SCG5: variants seen among roughly 807,000 people sequenced by gnomAD.
The protein encoded by SCG5 is neuroendocrine protein 7B2.
A neutral mutation model predicts 25.7 loss-of-function variants in SCG5; 18 were observed. The ratio of observed to expected loss-of-function variants is 0.70; its 90% CI spans 0.48 to 1.04. The LOEUF is 1.04. SCG5 is among the 50% of genes least tolerant of loss of function. SCG5 has a pLI of 0.00. For missense variants in SCG5, 206 were observed against 259.8 expected (o/e 0.79, Z 1.42); for synonymous variants, 101 against 91.7 (o/e 1.10, Z -0.58).
chr15:32,696,624 A>G lies in SCG5; in HGVS notation c.*15A>G, dbSNP rs760527559. On this transcript the variant is annotated 3_prime_UTR_variant, in exon 6 of 6. Transcript: ENST00000300175. ...ATCCAGAGTAAAGAGAAGATGCTAGACGAAAACCCACATTACCTGTTAGGC... is the reference window on the plus strand; with the variant it reads ...ATCCAGAGTAAAGAGAAGATGCTAGGCGAAAACCCACATTACCTGTTAGGC... The G allele has an allele frequency of 1.2e-5, 18 of 1,553,220 alleles. No individual in the cohort carries two copies. Among genetic ancestry groups the G allele is most frequent in the East Asian group, 2.2e-5 (1 of 44,544 alleles).
At chr15:32,660,491 C>T (rs918486110) in intron 2 of SCG5, among the ~76,000 whole-genome samples, 2 of 152,182 alleles carry the variant, frequency 1.3e-5, no homozygotes, top group Non-Finnish European at 2.9e-5. Context: ...AGGTATCCAG[C>T]ACTATTCTGA....
intron 2 of SCG5, among the ~76,000 whole-genome samples, chr15:32,645,670 G>C (rs2053931822): frequency 6.6e-6 from 1 of 152,076 alleles, no homozygotes; most frequent in Non-Finnish European, 1.5e-5. Flanking sequence ...GGAACCATAA[G>C]TGTAAAGGCA....
chr15:32,691,711 A>T lies in SCG5; in HGVS notation c.491A>T (p.Asn164Ile). The change falls in exon 5 of 6, where the codon AAC (asparagine) becomes ATC (isoleucine). Residue 164 changes from asparagine to isoleucine, a missense_variant and splice_region_variant. Coordinates refer to ENST00000300175, the MANE Select transcript of SCG5 (RefSeq NM_001144757.3). Reference sequence around the variant, plus strand: ...TGTTTTCTTTTCTCCCCATTCTAGAACAAGAAACTCCTTTACGAGAAGATG... The same window carrying T: ...TGTTTTCTTTTCTCCCCATTCTAGATCAAGAAACTCCTTTACGAGAAGATG... ...EHDYPGLGKW[N>I]KKLLYEKMKG... 1 of 1,606,740 alleles carries T rather than the reference A, an allele frequency of 6.2e-7. No homozygotes were observed. The highest frequency in any genetic ancestry group is 1.1e-5 in the South Asian group (1 of 89,248).
intron 2 of SCG5, among the ~76,000 whole-genome samples, chr15:32,654,023 GCA>G (rs2054074237): frequency 6.6e-6 from 1 of 152,160 alleles, no homozygotes; most frequent in Admixed American, 6.5e-5. Context: ...TTGTCTTCAT[GCA>G]CAGTGTCATG....
intron 2 of SCG5, among the ~76,000 whole-genome samples, chr15:32,647,704 T>C (rs574758792): frequency 2.6e-5 from 4 of 152,310 alleles, no homozygotes; most frequent in African/African-American, 4.8e-5. Context: ...TACTAGTATT[T>C]ATTGAGTGCC....
chr15:32,686,806 A>T (rs752392797), intron 4 of SCG5, among the ~76,000 whole-genome samples: 2 of 152,226 alleles, frequency 1.3e-5, no homozygotes, highest in Non-Finnish European at 2.9e-5. Flanking sequence ...GAGAGCTTAT[A>T]GTCCCACGGT....
intron 2 of SCG5, among the ~76,000 whole-genome samples, chr15:32,646,310 G>A (rs1037881134): frequency 1.3e-5 from 2 of 152,174 alleles, no homozygotes; most frequent in South Asian, 2.1e-4. Context: ...CAGAGGTGTC[G>A]TCTTGGCTGC....
At chr15:32,662,143 C>T (rs1198553590) in intron 2 of SCG5, among the ~76,000 whole-genome samples, 3 of 152,158 alleles carry the variant, frequency 2.0e-5, no homozygotes, top group African/African-American at 7.2e-5. Context: ...ATCATAAACA[C>T]AGCTTCAATG....
At chr15:32,680,342 C>A (rs1441208298) in intron 3 of SCG5, among the ~76,000 whole-genome samples, 1 of 151,754 alleles carries the variant, frequency 6.6e-6, no homozygotes, top group Middle Eastern at 3.2e-3. Flanking sequence ...ACTACAGGCG[C>A]CTGCCACCAC....
chr15:32,643,399 C>T (rs1297492282), intron 1 of SCG5, among the ~76,000 whole-genome samples, 187 bp from the exon 2 acceptor site: 4 of 152,062 alleles, frequency 2.6e-5, no homozygotes, highest in Non-Finnish European at 5.9e-5. Context: ...TTGTTTAATA[C>T]CTTTCTGCAA....
chr15:32,688,884 A>G (rs8039575), intron 4 of SCG5, among the ~76,000 whole-genome samples: 144,401 of 151,118 alleles, frequency 0.96, 69,053 homozygotes, highest in East Asian at 0.99. Flanking sequence ...GCGTGAACCC[A>G]GGAGGCGGAG....
intron 1 of SCG5, among the ~76,000 whole-genome samples, chr15:32,643,281 G>A (rs2053894497): frequency 6.6e-6 from 1 of 152,188 alleles, no homozygotes; most frequent in African/African-American, 2.4e-5. Flanking sequence ...GAGTAATGCA[G>A]AACTTTCAGG....
At chr15:32,680,710 G>A (rs1595814411) in intron 3 of SCG5, among the ~76,000 whole-genome samples, 1 of 152,140 alleles carries the variant, frequency 6.6e-6, no homozygotes. Flanking sequence ...TTATTTGGGG[G>A]CCAGGAGGTG....
intron 2 of SCG5, among the ~76,000 whole-genome samples, chr15:32,660,345 C>T (rs1249951180): frequency 1.3e-5 from 2 of 152,206 alleles, no homozygotes; most frequent in Non-Finnish European, 2.9e-5. Flanking sequence ...CCTGCCTACC[C>T]ACCCAGGCCA....
chr15:32,655,856 T>G (rs776323764), intron 2 of SCG5, among the ~76,000 whole-genome samples: 5 of 152,200 alleles, frequency 3.3e-5, no homozygotes, highest in Non-Finnish European at 5.9e-5. Flanking sequence ...CTGTGAGCAA[T>G]AAATTTCAGC....
Position 32,679,922 on chromosome 15 carries a change from G to A in SCG5, c.376+7G>A, listed in dbSNP as rs1251730567. ...TGTCCTGTTGGAAAAACAGGTAACA[G>A]ATATGCCTTTGGGTTCCCATGAAAA... On this transcript the variant is annotated splice_region_variant and intron_variant, in intron 3 of 5. Coordinates refer to ENST00000300175, the MANE Select transcript of SCG5 (RefSeq NM_001144757.3). 9 of 1,600,570 alleles carry A rather than the reference G, an allele frequency of 5.6e-6. No individual in the cohort carries two copies. The highest frequency in any genetic ancestry group is 7.7e-6 in the Non-Finnish European group (9 of 1,172,832).
intron 2 of SCG5, among the ~76,000 whole-genome samples, chr15:32,676,768 A>G (rs1189735564): frequency 6.6e-6 from 1 of 152,260 alleles, no homozygotes; most frequent in East Asian, 1.9e-4. Context: ...TAATAGAACT[A>G]TAAATCAACA....
rs562148459 is a variant in SCG5, at chr15:32,683,983, G to A, written c.377-574G>A. Among the ~76,000 whole-genome samples, 43 of 152,320 alleles carry A rather than the reference G, an allele frequency of 2.8e-4. No homozygotes were observed. The South Asian group carries it at 8.3e-3, about 29-fold the overall frequency. ...AAATAAAAACATTGTATGGCTCAACGCAATAGAAGTTTATTTTTCACCCGT... is the reference window on the plus strand; with the variant it reads ...AAATAAAAACATTGTATGGCTCAACACAATAGAAGTTTATTTTTCACCCGT... On this transcript the variant is annotated intron_variant, in intron 3 of 5. Transcript: ENST00000300175.
chr15:32,652,759 C>T (rs983782438), intron 2 of SCG5, among the ~76,000 whole-genome samples: 5 of 152,190 alleles, frequency 3.3e-5, no homozygotes, highest in African/African-American at 9.7e-5. Context: ...CCAGCTTATA[C>T]ATTTATACAC....
Sources: allele counts gnomAD v4.1 joint callset (sites outside exome capture counted in the v4.1 genomes callset), GRCh38; gene constraint gnomAD v4.1.1; transcripts MANE v1.5; gene names NCBI Gene and HGNC (gene_info 2026-07-23, HGNC 2026-07-21).